The following RBFOX1 variants were observed in gnomAD, a reference collection of about 807,000 sequenced individuals.
The protein encoded by RBFOX1 is RNA binding protein fox-1 homolog 1.
A neutral mutation model predicts 57.7 loss-of-function variants in RBFOX1; 8 were observed. That is an observed-to-expected ratio of 0.14 (90% CI 0.08 to 0.25). The LOEUF is 0.25. Ranked by LOEUF, RBFOX1 falls within the 10% of genes least tolerant of loss-of-function variation. RBFOX1 has a pLI of 1.00. For missense variants in RBFOX1, 611 were observed against 548.5 expected, an observed-to-expected ratio of 1.11 and a Z score of -1.14; for synonymous variants, 326 against 222.4, an observed-to-expected ratio of 1.47 and a Z score of -4.15.
At chr16:6,933,604 T>G (rs1013732076) in intron 3 of RBFOX1, among the ~76,000 whole-genome samples, 1 of 152,168 alleles carries the variant, frequency 6.6e-6, no homozygotes, top group Non-Finnish European at 1.5e-5. Context: ...TCCCAGCTAC[T>G]CCGGAGGCTG....
rs928695406 is a variant in RBFOX1 at position 6,864,547 on chromosome 16, C to G, written c.-15-187510C>G. ...TAAACCCCCCTATTCTCTCCTTCCTCTTTTTTTTTTTTTTTTAATCATGGC... is the reference window on the plus strand; with the variant it reads ...TAAACCCCCCTATTCTCTCCTTCCTGTTTTTTTTTTTTTTTTAATCATGGC... On this transcript the variant is annotated intron_variant, in intron 3 of 15. Transcript: ENST00000550418. 3.6e-5 allele frequency among the ~76,000 whole-genome samples: 5 copies of G among 139,532 alleles called. No individual in the cohort carries two copies. In the East Asian group the frequency reaches 1.0e-3, roughly 29 times the overall value. The allele number at this position is 139,532 out of a possible 152,430, so 91.5% of individuals were successfully genotyped here.
intron 14 of RBFOX1, among the ~76,000 whole-genome samples, chr16:7,701,803 A>G (rs1257379233): frequency 6.6e-6 from 1 of 152,246 alleles, no homozygotes; most frequent in African/African-American, 2.4e-5. Flanking sequence ...TCCAGAACTC[A>G]GTTGACCCTT....
intron 3 of RBFOX1, among the ~76,000 whole-genome samples, chr16:5,819,023 C>G (rs1386208259): frequency 5.3e-5 from 8 of 152,208 alleles, no homozygotes; most frequent in African/African-American, 1.9e-4. Flanking sequence ...ATTTCCCCCT[C>G]CTTGTCTCTG....
rs149420828 is a variant in RBFOX1 at position 5,841,106 on chromosome 16, C to T, written c.319-26197C>T. Among the ~76,000 whole-genome samples, 437 of 152,204 alleles carry T rather than the reference C, an allele frequency of 2.9e-3. 1 individual carries two copies. The highest frequency in any genetic ancestry group is 6.8e-3 in the Middle Eastern group (2 of 294). ...GAATAACCGTGGTGAATACTAATGTCGATTGAGTGATTTCCTGGCATTGCG... is the reference window on the plus strand; with the variant it reads ...GAATAACCGTGGTGAATACTAATGTTGATTGAGTGATTTCCTGGCATTGCG... On this transcript the variant is annotated intron_variant, in intron 3 of 19. Coordinates refer to the RBFOX1 transcript ENST00000641259.
In RBFOX1 at chr16:7,281,627, T is replaced by C. The variant is rs142717244; in HGVS notation, c.27+229529T>C. 4.1e-3 allele frequency among the ~76,000 whole-genome samples: 623 copies of C among 152,160 alleles called. 10 individuals carry two copies. The South Asian group carries it at 0.042, about 10-fold the overall frequency. ...GAAAATACACAGCATGTTCTTTTCT[T>C]CATGGGGTTCTAGTCTAGATGAGAA... On this transcript the variant is annotated intron_variant, in intron 4 of 15. Transcript: ENST00000550418.
At chr16:6,123,812 C>T (rs1324689327) in intron 1 of RBFOX1, among the ~76,000 whole-genome samples, 1 of 152,064 alleles carries the variant, frequency 6.6e-6, no homozygotes, top group Admixed American at 6.6e-5. Flanking sequence ...GGCTGAGGTC[C>T]AGGGATGTCT....
intron 1 of RBFOX1, among the ~76,000 whole-genome samples, chr16:6,307,607 T>C (rs547296544): frequency 6.7e-6 from 1 of 148,182 alleles, no homozygotes; most frequent in Non-Finnish European, 1.5e-5. Context: ...ATCTGATACA[T>C]AATGAGTTTT....
chr16:5,259,237 G>C (rs1446093950), intron 1 of RBFOX1, among the ~76,000 whole-genome samples: 1 of 151,806 alleles, frequency 6.6e-6, no homozygotes, highest in Non-Finnish European at 1.5e-5. Flanking sequence ...ACAACCCTTA[G>C]GAACATCAGA....
intron 4 of RBFOX1, among the ~76,000 whole-genome samples, chr16:7,269,425 T>G (rs1280394068): frequency 1.3e-5 from 2 of 152,096 alleles, no homozygotes; most frequent in Non-Finnish European, 2.9e-5. Context: ...ATATTTCTCT[T>G]TTTGGGGTCT....
chr16:6,656,479 C>G (rs892084825), intron 3 of RBFOX1, among the ~76,000 whole-genome samples: 7 of 151,974 alleles, frequency 4.6e-5, no homozygotes, highest in Non-Finnish European at 7.4e-5. Context: ...GTTAAGACAT[C>G]ATGATGATGG....
At chr16:5,618,571 C>T (rs1372243159) in intron 3 of RBFOX1, among the ~76,000 whole-genome samples, 2 of 152,142 alleles carry the variant, frequency 1.3e-5, no homozygotes, top group African/African-American at 2.4e-5. Context: ...TCTCCTGACC[C>T]TGTGATCTGC....
intron 4 of RBFOX1, among the ~76,000 whole-genome samples, chr16:7,336,654 A>G (rs2096794103): frequency 6.6e-6 from 1 of 152,216 alleles, no homozygotes; most frequent in African/African-American, 2.4e-5. Context: ...ATAGGTAATG[A>G]TTGTTGAACA....
chr16:5,566,066 C>T (rs942801529), intron 2 of RBFOX1, among the ~76,000 whole-genome samples: 6 of 152,122 alleles, frequency 3.9e-5, no homozygotes, highest in Non-Finnish European at 7.4e-5. Context: ...ATGTGACTTT[C>T]GCCTTTCGCC....
chr16:6,098,814 C>G (rs957610511), intron 1 of RBFOX1, among the ~76,000 whole-genome samples: 5 of 152,152 alleles, frequency 3.3e-5, no homozygotes, highest in African/African-American at 1.2e-4. Flanking sequence ...CGGAAAATTC[C>G]TAAGTGGAGC....
chr16:6,989,986 A>T (rs1307267431), intron 3 of RBFOX1, among the ~76,000 whole-genome samples: 1 of 152,128 alleles, frequency 6.6e-6, no homozygotes, highest in Non-Finnish European at 1.5e-5. Flanking sequence ...GGGTGACAAG[A>T]GCGAGACTCT....
At chr16:6,706,745 A>G (rs1397502438) in intron 3 of RBFOX1, among the ~76,000 whole-genome samples, 3 of 148,320 alleles carry the variant, frequency 2.0e-5, no homozygotes, top group East Asian at 4.0e-4. Flanking sequence ...TGTGTGGCAG[A>G]GTTCCAATCT....
intron 1 of RBFOX1, among the ~76,000 whole-genome samples, chr16:6,070,551 A>C (rs2095823497): frequency 6.6e-6 from 1 of 152,242 alleles, no homozygotes; most frequent in Non-Finnish European, 1.5e-5. Context: ...CTCTGGTCAC[A>C]GAAAGTAACA....
intron 3 of RBFOX1, among the ~76,000 whole-genome samples, chr16:6,917,686 G>C (rs1163244865): frequency 1.3e-5 from 2 of 152,194 alleles, no homozygotes; most frequent in South Asian, 2.1e-4. Flanking sequence ...TCTGTGTGCT[G>C]TGTGATGAGT....
At chr16:6,075,186 G>C (rs143833028) in intron 1 of RBFOX1, among the ~76,000 whole-genome samples, 1 of 152,294 alleles carries the variant, frequency 6.6e-6, no homozygotes, top group East Asian at 1.9e-4. Context: ...GAAGCATGGA[G>C]GTGAAATTAA....
Sources: gnomAD v4.1 joint callset for allele counts (sites outside exome capture counted in the v4.1 genomes callset) on GRCh38, gnomAD v4.1.1 for gene constraint, MANE v1.5 for transcripts, NCBI Gene and HGNC (gene_info 2026-07-23, HGNC 2026-07-21) for gene names.